The following GRIK2 variants were observed in gnomAD, a reference collection of about 807,000 sequenced individuals.
GRIK2 encodes glutamate receptor ionotropic, kainate 2.
GRIK2 carries 32 observed loss-of-function variants against 100.3 expected under a neutral mutation model. The ratio of observed to expected loss-of-function variants is 0.32; its 90% CI spans 0.24 to 0.43. GRIK2 has a LOEUF of 0.43. Ranked by LOEUF, GRIK2 falls within the 20% of genes least tolerant of loss-of-function variation. The pLI, the probability that GRIK2 is intolerant of heterozygous loss-of-function variation, is 1.00. For synonymous variants in GRIK2, 417 were observed against 389.4 expected (o/e 1.07, Z -0.83); for missense variants, 843 against 1,114.9 (o/e 0.76, Z 3.47).
At chr6:101,588,371 G>A (rs1778476902) in intron 2 of GRIK2, among the ~76,000 whole-genome samples, 1 of 152,112 alleles carries the variant, frequency 6.6e-6, no homozygotes, top group African/African-American at 2.4e-5. Context: ...GAGGCAGGTT[G>A]AGGTGTGCAG....
intron 10 of GRIK2, among the ~76,000 whole-genome samples, chr6:101,829,136 A>T (rs1582321492): frequency 2.6e-5 from 4 of 152,238 alleles, no homozygotes; most frequent in African/African-American, 9.6e-5. Context: ...GTGATTCACC[A>T]CATAAACAGA....
At chr6:101,668,093 G>T (rs1770163840) in intron 4 of GRIK2, among the ~76,000 whole-genome samples, 1 of 152,226 alleles carries the variant, frequency 6.6e-6, no homozygotes, top group East Asian at 1.9e-4. Context: ...TGTAAAATTA[G>T]CATTCAGACT....
chr6:101,980,768 C>A (rs551442747), intron 14 of GRIK2, among the ~76,000 whole-genome samples: 10 of 151,246 alleles, frequency 6.6e-5, no homozygotes, highest in Non-Finnish European at 1.2e-4. Context: ...CACGTGGAGT[C>A]ATTTAAAAGA....
intron 14 of GRIK2, among the ~76,000 whole-genome samples, chr6:101,939,078 G>A (rs1227574168): frequency 6.6e-6 from 1 of 151,954 alleles, no homozygotes; most frequent in African/African-American, 2.4e-5. Context: ...ATGAGCTTAT[G>A]GTTCATTTCA....
At chr6:101,602,880 A>G (rs1779286589) in intron 2 of GRIK2, among the ~76,000 whole-genome samples, 1 of 151,706 alleles carries the variant, frequency 6.6e-6, no homozygotes, top group South Asian at 2.1e-4. Flanking sequence ...TTGTTGAGTG[A>G]TTTGCATCAT....
intron 2 of GRIK2, among the ~76,000 whole-genome samples, chr6:101,463,870 A>C (rs1771474559): frequency 1.3e-5 from 2 of 152,166 alleles, no homozygotes; most frequent in Non-Finnish European, 2.9e-5. Flanking sequence ...GTGATGGTTA[A>C]TACTGAGTGT....
At chr6:101,541,376 C>CACACACACACACACACACACACA (rs775232963) in intron 2 of GRIK2, among the ~76,000 whole-genome samples, 2 of 5,586 alleles carry the variant, frequency 3.6e-4, no homozygotes, top group African/African-American at 5.3e-4. Context: ...GCGCACACAA[C>CACACACACACACACACACACACA]CACACACACA....
At chr6:101,743,075 G>A (rs1221884081) in intron 7 of GRIK2, among the ~76,000 whole-genome samples, 4 of 152,128 alleles carry the variant, frequency 2.6e-5, no homozygotes, top group Non-Finnish European at 5.9e-5. Context: ...TTTACAAAAT[G>A]GTATTTGTTA....
At chr6:101,837,032 C>T (rs953771342) in intron 10 of GRIK2, among the ~76,000 whole-genome samples, 5 of 152,090 alleles carry the variant, frequency 3.3e-5, no homozygotes, top group Non-Finnish European at 5.9e-5. Flanking sequence ...TCCAGAAACT[C>T]AGTTCCTTCA....
intron 2 of GRIK2, among the ~76,000 whole-genome samples, chr6:101,543,564 C>T (rs898159080): frequency 1.3e-5 from 2 of 152,072 alleles, no homozygotes; most frequent in African/African-American, 4.8e-5. Flanking sequence ...ATGTGTTAAC[C>T]CACTTAATCC....
rs111448979 is a variant in GRIK2, at chr6:102,009,525, T to G, written c.2086-25816T>G. Among the ~76,000 whole-genome samples, 372 of 152,230 alleles carry G rather than the reference T, an allele frequency of 2.4e-3. 2 individuals carry two copies. Among genetic ancestry groups the G allele is most frequent in the African/African-American group, 8.8e-3 (364 of 41,552 alleles). ...ACAGAAACTGTTAAAAAGGAAGAAC[T>G]TCTCTTTCCCCAAGTGGCTGCAGTA... is the stretch of plus-strand genomic sequence containing the variant. On this transcript the variant is annotated intron_variant, in intron 14 of 16. Transcript: ENST00000369134.
intron 14 of GRIK2, among the ~76,000 whole-genome samples, chr6:101,987,682 C>A (rs563257015): frequency 3.6e-4 from 54 of 150,110 alleles, no homozygotes; most frequent in Non-Finnish European, 6.1e-4. Flanking sequence ...TTATATTAAT[C>A]AATTTATGGA....
At chr6:101,504,202 T>C (rs1011696714) in intron 2 of GRIK2, among the ~76,000 whole-genome samples, 4 of 149,684 alleles carry the variant, frequency 2.7e-5, no homozygotes, top group African/African-American at 7.3e-5. Flanking sequence ...TAGCATACTT[T>C]CCTGAGACAT....
chr6:101,482,703 A>G (rs1401554474), intron 2 of GRIK2, among the ~76,000 whole-genome samples: 2 of 152,184 alleles, frequency 1.3e-5, no homozygotes, highest in Non-Finnish European at 2.9e-5. Flanking sequence ...ACTAATATAG[A>G]TAAGAAATAG....
At chr6:101,644,891 T>A (rs745840730) in intron 4 of GRIK2, among the ~76,000 whole-genome samples, 6 of 151,860 alleles carry the variant, frequency 4.0e-5, no homozygotes, top group Non-Finnish European at 8.8e-5. Flanking sequence ...GAAATATTTC[T>A]TGGTGACTGT....
chr6:101,581,494 C>T (rs1582762588), intron 2 of GRIK2, among the ~76,000 whole-genome samples: 1 of 152,032 alleles, frequency 6.6e-6, no homozygotes, highest in East Asian at 1.9e-4. Flanking sequence ...GTCTGGGAGA[C>T]TAAGTCAGTC....
intron 12 of GRIK2, among the ~76,000 whole-genome samples, chr6:101,898,444 A>G (rs1562473334): frequency 6.6e-6 from 1 of 151,938 alleles, no homozygotes; most frequent in Non-Finnish European, 1.5e-5. Flanking sequence ...ACATGTTAGT[A>G]GTATACGGTT....
chr6:102,037,149 A>G (rs1013927434), intron 15 of GRIK2, among the ~76,000 whole-genome samples: 1 of 151,334 alleles, frequency 6.6e-6, no homozygotes, highest in Admixed American at 6.6e-5. Context: ...TGAGATACTA[A>G]TTCTTGCATT....
chr6:101,861,284 A>G lies in GRIK2; in HGVS notation c.1524+1791A>G, dbSNP rs149710897. Among the ~76,000 whole-genome samples the G allele has an allele frequency of 6.9e-3, 1,058 of 152,318 alleles. 14 individuals carry two copies. Among genetic ancestry groups the G allele is most frequent in the African/African-American group, 0.024 (1,017 of 41,560 alleles). On this transcript the variant is annotated intron_variant, in intron 11 of 16. Coordinates refer to ENST00000369134, the MANE Select transcript of GRIK2 (RefSeq NM_021956.5). Reference sequence around the variant, plus strand: ...TCTTACTTGTTCTGTCTTCTACTATAGTATTTATGAGTGTTTGTGTTGAGG... The same window carrying G: ...TCTTACTTGTTCTGTCTTCTACTATGGTATTTATGAGTGTTTGTGTTGAGG...
Sources: gnomAD v4.1 joint callset for allele counts (sites outside exome capture counted in the v4.1 genomes callset) on GRCh38, gnomAD v4.1.1 for gene constraint, MANE v1.5 for transcripts, NCBI Gene and HGNC (gene_info 2026-07-23, HGNC 2026-07-21) for gene names.